Variants in KCNQ5 observed in about 807,000 individuals in gnomAD.
KCNQ5 encodes potassium voltage-gated channel subfamily Q member 5.
KCNQ5 carries 30 observed loss-of-function variants against 98.2 expected under a neutral mutation model. That is an observed-to-expected ratio of 0.31 (90% confidence interval 0.23 to 0.41). KCNQ5 has a LOEUF of 0.41. Ranked by LOEUF, KCNQ5 falls within the 10% of genes least tolerant of loss-of-function variation. KCNQ5 has a pLI of 1.00. For missense variants in KCNQ5, 835 were observed against 1,182.5 expected (o/e 0.71, Z 4.31); for synonymous variants, 458 against 449.4 (o/e 1.02, Z -0.24).
chr6:72,821,964 G>A (rs948815811), intron 1 of KCNQ5, among the ~76,000 whole-genome samples: 25 of 152,060 alleles, frequency 1.6e-4, no homozygotes, highest in African/African-American at 6.0e-4. Flanking sequence ...CACAGCCCCT[G>A]AACGGCCCTA....
intron 1 of KCNQ5, chr6:72,986,962 C>A: frequency 1.2e-6 from 1 of 803,202 alleles, no homozygotes; most frequent in South Asian, 1.6e-5. Context: ...CAGAAGAGCC[C>A]CAGGGAGCAC....
In KCNQ5 at chr6:72,863,104, G is replaced by A. The variant is rs1935522; in HGVS notation, c.399-140804G>A. On this transcript the variant is annotated intron_variant, in intron 1 of 13. Transcript: ENST00000370398. ...CTCAGTTGCTACTGTGTGTATAAAC[G>A]TACCCTGTAAAGTGTAGAGGATGCA... Among the ~76,000 whole-genome samples, 715 of 152,196 alleles carry A rather than the reference G, an allele frequency of 4.7e-3. 11 individuals are homozygous for A. Among genetic ancestry groups the A allele is most frequent in the East Asian group, 0.025 (128 of 5,176 alleles).
At chr6:72,981,515 A>G (rs1179218109) in intron 1 of KCNQ5, among the ~76,000 whole-genome samples, 2 of 149,668 alleles carry the variant, frequency 1.3e-5, no homozygotes, top group African/African-American at 2.5e-5. Context: ...TCCCCTTTTC[A>G]TTTTTTATTG....
intron 9 of KCNQ5, among the ~76,000 whole-genome samples, chr6:73,131,389 A>G (rs1272214938): frequency 1.3e-5 from 2 of 152,170 alleles, no homozygotes; most frequent in Non-Finnish European, 2.9e-5. Context: ...CTTTTATAGT[A>G]ATTAGCATCT....
intron 1 of KCNQ5, among the ~76,000 whole-genome samples, chr6:72,671,524 A>C (rs1022089381): frequency 6.6e-6 from 1 of 152,200 alleles, no homozygotes; most frequent in Non-Finnish European, 1.5e-5. Flanking sequence ...GATAATGACA[A>C]TGAACACATT....
At chr6:73,066,126 A>T (rs1385357193) in intron 3 of KCNQ5, among the ~76,000 whole-genome samples, 1 of 152,240 alleles carries the variant, frequency 6.6e-6, no homozygotes, top group Non-Finnish European at 1.5e-5. Context: ...AGCCTGGGTG[A>T]CAGAGACTGT....
intron 1 of KCNQ5, among the ~76,000 whole-genome samples, chr6:72,688,992 A>G (rs927648695): frequency 6.6e-6 from 1 of 152,234 alleles, no homozygotes; most frequent in Non-Finnish European, 1.5e-5. Context: ...CATTATAGCT[A>G]TAAAAATAAT....
intron 11 of KCNQ5, among the ~76,000 whole-genome samples, chr6:73,183,500 C>T (rs117364663): frequency 0.029 from 4,373 of 152,282 alleles, 96 homozygotes; most frequent in East Asian, 0.1. Context: ...CGCCATCCAG[C>T]TCTGTGTCCA....
chr6:73,044,366 C>T (rs181754267), intron 3 of KCNQ5, among the ~76,000 whole-genome samples: 61 of 152,256 alleles, frequency 4.0e-4, no homozygotes, highest in African/African-American at 1.4e-3. Context: ...TATTTTACCT[C>T]TAGGAAATTA....
intron 1 of KCNQ5, among the ~76,000 whole-genome samples, chr6:72,954,000 G>C (rs1197222801): frequency 6.6e-6 from 1 of 152,080 alleles, no homozygotes; most frequent in Non-Finnish European, 1.5e-5. Flanking sequence ...AAAGAACAGA[G>C]GCGAAACTGA....
chr6:72,952,711 G>A (rs1562089877), intron 1 of KCNQ5, among the ~76,000 whole-genome samples: 1 of 152,026 alleles, frequency 6.6e-6, no homozygotes, highest in African/African-American at 2.4e-5. Context: ...CCTTCTTTGA[G>A]GTGCCCTTTC....
chr6:73,125,656 G>A (rs1264101531), intron 9 of KCNQ5: 2 of 197,494 alleles, frequency 1.0e-5, no homozygotes, highest in Non-Finnish European at 2.0e-5. Context: ...GTGTATTAAG[G>A]CTCTGGATTA....
intron 1 of KCNQ5, among the ~76,000 whole-genome samples, chr6:72,756,580 G>T (rs1053964767): frequency 1.3e-5 from 2 of 152,082 alleles, no homozygotes; most frequent in African/African-American, 4.8e-5. Context: ...TAACCCCAAA[G>T]GGTCTATTTC....
intron 1 of KCNQ5, among the ~76,000 whole-genome samples, chr6:72,866,648 A>G (rs1431703355): frequency 1.3e-5 from 2 of 152,230 alleles, no homozygotes; most frequent in East Asian, 1.9e-4. Context: ...ATAGTTAGAC[A>G]CATAGATCTG....
chr6:72,649,176 A>G (rs1416405473), intron 1 of KCNQ5, among the ~76,000 whole-genome samples: 4 of 152,136 alleles, frequency 2.6e-5, no homozygotes, highest in Non-Finnish European at 5.9e-5. Context: ...CTGGTGGCAA[A>G]TATGTCAGGA....
At chr6:72,830,426 A>G (rs1776204569) in intron 1 of KCNQ5, among the ~76,000 whole-genome samples, 2 of 152,152 alleles carry the variant, frequency 1.3e-5, no homozygotes, top group African/African-American at 4.8e-5. Context: ...CAGAAATAAT[A>G]CCACACATGT....
chr6:72,971,032 CA>C (rs1562101254), intron 1 of KCNQ5, among the ~76,000 whole-genome samples: 2 of 152,050 alleles, frequency 1.3e-5, no homozygotes, highest in African/African-American at 4.8e-5. Flanking sequence ...TTCTGCACAG[CA>C]AAAGAAACTA....
chr6:72,650,772 T>C (rs1765835366), intron 1 of KCNQ5, among the ~76,000 whole-genome samples: 1 of 152,062 alleles, frequency 6.6e-6, no homozygotes, highest in Non-Finnish European at 1.5e-5. Flanking sequence ...GCACTGGTGA[T>C]ACAAAGAAGA....
chr6:73,013,866 G>A (rs1344856542), intron 2 of KCNQ5, among the ~76,000 whole-genome samples: 1 of 152,098 alleles, frequency 6.6e-6, no homozygotes, highest in Non-Finnish European at 1.5e-5. Flanking sequence ...AGGATGCTGT[G>A]CTTTCATAAA....
Sources: allele counts gnomAD v4.1 joint callset (sites outside exome capture counted in the v4.1 genomes callset), GRCh38; gene constraint gnomAD v4.1.1; transcripts MANE v1.5; gene names NCBI Gene and HGNC (gene_info 2026-07-23, HGNC 2026-07-21).